Variants in TMEM150C observed in about 807,000 individuals in gnomAD.
The protein encoded by TMEM150C is tentonin 3.
Under a neutral mutation model 29.9 loss-of-function variants are expected in TMEM150C, and 10 were observed. The observed-to-expected ratio is 0.33, with a 90% CI of 0.21 to 0.57. The LOEUF is 0.57. Ranked by LOEUF, TMEM150C falls within the 20% of genes least tolerant of loss-of-function variation. The probability of loss-of-function intolerance (pLI) is 0.88; values close to 1 mark genes in which losing one functional copy is unlikely to be tolerated. For synonymous variants in TMEM150C, 101 were observed against 112.5 expected, an observed-to-expected ratio of 0.90 and a Z score of 0.64; for missense variants, 251 against 303.6, an observed-to-expected ratio of 0.83 and a Z score of 1.29.
chr4:82,518,187 G>A (rs924907980), intron 1 of TMEM150C, among the ~76,000 whole-genome samples: 4 of 152,002 alleles, frequency 2.6e-5, no homozygotes, highest in African/African-American at 9.7e-5. Flanking sequence ...ATATTGGTAG[G>A]CACCTGTAAT....
chr4:82,528,358 G>A (rs1724722841), intron 1 of TMEM150C, among the ~76,000 whole-genome samples: 1 of 152,188 alleles, frequency 6.6e-6, no homozygotes, highest in Admixed American at 6.5e-5. Flanking sequence ...GGCCCCAGGT[G>A]AAACCTGAGA....
At chr4:82,530,104 C>A (rs566647410) in intron 1 of TMEM150C, among the ~76,000 whole-genome samples, 1 of 137,982 alleles carries the variant, frequency 7.2e-6, no homozygotes, top group Non-Finnish European at 1.5e-5. Context: ...CTCTCTCTCT[C>A]TAGAGAGAGA....
At chr4:82,550,703 T>C (rs1186015040) in intron 1 of TMEM150C, among the ~76,000 whole-genome samples, 1 of 150,586 alleles carries the variant, frequency 6.6e-6, no homozygotes, top group Admixed American at 6.6e-5. Flanking sequence ...GCCAGGAGAA[T>C]GGCGTGAACC....
chr4:82,500,847 G>A (rs1165086647), intron 5 of TMEM150C, among the ~76,000 whole-genome samples: 1 of 152,256 alleles, frequency 6.6e-6, no homozygotes, highest in African/African-American at 2.4e-5. Flanking sequence ...GCCCAGTGGA[G>A]GACAGACAGC....
At chr4:82,521,860 C>T (rs1724498655) in intron 1 of TMEM150C, among the ~76,000 whole-genome samples, 1 of 152,090 alleles carries the variant, frequency 6.6e-6, no homozygotes, top group Non-Finnish European at 1.5e-5. Context: ...ATGGGCAGCA[C>T]TGACTTATTA....
At chr4:82,498,105 C>T (rs779829128) in intron 5 of TMEM150C, among the ~76,000 whole-genome samples, 11 of 152,146 alleles carry the variant, frequency 7.2e-5, no homozygotes, top group Non-Finnish European at 1.5e-4. Flanking sequence ...ACCTCCACCT[C>T]CTGGGTTCAA....
intron 1 of TMEM150C, among the ~76,000 whole-genome samples, chr4:82,545,861 G>A (rs1560498834): frequency 6.6e-6 from 1 of 152,062 alleles, no homozygotes; most frequent in Non-Finnish European, 1.5e-5. Context: ...GGAGGCGGAG[G>A]TTGCAGTGAG....
At chr4:82,522,677 G>A (rs1416659779) in intron 1 of TMEM150C, among the ~76,000 whole-genome samples, 1 of 152,180 alleles carries the variant, frequency 6.6e-6, no homozygotes, top group African/African-American at 2.4e-5. Context: ...GACAGGTACG[G>A]GGACATCTGC....
At chr4:82,498,577 G>T (rs954164162) in intron 5 of TMEM150C, among the ~76,000 whole-genome samples, 1 of 152,194 alleles carries the variant, frequency 6.6e-6, no homozygotes, top group African/African-American at 2.4e-5. Context: ...GTGAGCCACC[G>T]CGCCTGGCTG....
At chr4:82,537,577 G>A (rs1725053086) in intron 1 of TMEM150C, among the ~76,000 whole-genome samples, 1 of 152,196 alleles carries the variant, frequency 6.6e-6, no homozygotes, top group South Asian at 2.1e-4. Flanking sequence ...TCCAGAGGAT[G>A]TGTCCAAGAC....
chr4:82,547,841 C>A (rs994831717), intron 1 of TMEM150C, among the ~76,000 whole-genome samples: 1 of 152,126 alleles, frequency 6.6e-6, no homozygotes, highest in African/African-American at 2.4e-5. Context: ...ACCCAGCAGT[C>A]CTCTTACTGG....
At chr4:82,511,656 A>G (rs909907833) in intron 1 of TMEM150C, among the ~76,000 whole-genome samples, 51 of 151,918 alleles carry the variant, frequency 3.4e-4, no homozygotes, top group African/African-American at 6.5e-4. Flanking sequence ...TTGTAGAGAC[A>G]GGGTCTCATC....
chr4:82,493,518 G>A (rs567535700), intron 6 of TMEM150C, among the ~76,000 whole-genome samples: 46 of 152,158 alleles, frequency 3.0e-4, no homozygotes, highest in Non-Finnish European at 4.3e-4. Flanking sequence ...GTTATATTCC[G>A]GCAAACGTTC....
At chr4:82,489,691 G>A (rs1481838478) in intron 7 of TMEM150C, among the ~76,000 whole-genome samples, 2 of 151,848 alleles carry the variant, frequency 1.3e-5, no homozygotes, top group African/African-American at 4.8e-5. Flanking sequence ...GAAATAACAG[G>A]GCCATTAATA....
intron 1 of TMEM150C, among the ~76,000 whole-genome samples, chr4:82,520,136 T>G (rs1208787727): frequency 6.6e-6 from 1 of 152,232 alleles, no homozygotes; most frequent in Non-Finnish European, 1.5e-5. Context: ...CTTTACATTA[T>G]CTGGACTTGT....
chr4:82,503,034 C>T (rs375747154), intron 3 of TMEM150C, 25 bp downstream of exon 3: 100 of 1,611,024 alleles, frequency 6.2e-5, no homozygotes, highest in African/African-American at 5.6e-4. Context: ...TGATGAACAA[C>T]GAATTACCCA....
chr4:82,527,539 C>T (rs185774351), intron 1 of TMEM150C, among the ~76,000 whole-genome samples: 10 of 152,220 alleles, frequency 6.6e-5, no homozygotes, highest in Admixed American at 1.3e-4. Context: ...TCAAGGCTGA[C>T]GAGGGCTGAC....
chr4:82,497,922 G>T (rs1255301844), intron 5 of TMEM150C, among the ~76,000 whole-genome samples: 1 of 152,158 alleles, frequency 6.6e-6, no homozygotes, highest in Admixed American at 6.5e-5. Context: ...ATTAGATTAA[G>T]CCTAGAGACT....
intron 1 of TMEM150C, among the ~76,000 whole-genome samples, chr4:82,506,224 G>A (rs1003625002): frequency 2.6e-5 from 4 of 152,150 alleles, no homozygotes; most frequent in Non-Finnish European, 5.9e-5. Flanking sequence ...AGACAAGAGA[G>A]GAAACATGAT....
Sources: gnomAD v4.1 joint callset for allele counts (sites outside exome capture counted in the v4.1 genomes callset) on GRCh38, gnomAD v4.1.1 for gene constraint, MANE v1.5 for transcripts, NCBI Gene and HGNC (gene_info 2026-07-23, HGNC 2026-07-21) for gene names.